Variants in UBR3 observed in about 807,000 individuals in gnomAD.
UBR3 encodes the protein E3 ubiquitin-protein ligase UBR3.
UBR3 carries 85 observed loss-of-function variants against 243.2 expected under a neutral mutation model. The ratio of observed to expected loss-of-function variants is 0.35; its 90% CI spans 0.29 to 0.42. UBR3 has a LOEUF of 0.42. Ranked by LOEUF, UBR3 falls within the 10% of genes least tolerant of loss-of-function variation. UBR3 has a pLI of 1.00. For synonymous variants in UBR3, 748 were observed against 799.8 expected (o/e 0.94, Z 1.09); for missense variants, 1,686 against 2,300.8 (o/e 0.73, Z 5.47).
chr2:170,076,758 T>C (rs1040713903), intron 36 of UBR3, among the ~76,000 whole-genome samples: 1 of 152,214 alleles, frequency 6.6e-6, no homozygotes, highest in African/African-American at 2.4e-5. Context: ...GATACCAAAC[T>C]TTATTCTGAA....
chr2:169,986,634 T>C lies in UBR3; in HGVS notation c.3635-11T>C. On this transcript the variant is annotated splice_polypyrimidine_tract_variant and intron_variant, in intron 24 of 38. Coordinates refer to ENST00000272793, the MANE Select transcript of UBR3 (RefSeq NM_172070.4). Reference sequence around the variant, plus strand: ...CTAAGGAATTAAAGAGATGTAACTTTTTTCCCTCAGATTCTCCTGAGAATG... The same window carrying C: ...CTAAGGAATTAAAGAGATGTAACTTCTTTCCCTCAGATTCTCCTGAGAATG... 2 of 1,600,508 alleles carry C rather than the reference T, an allele frequency of 1.2e-6. No individual in the cohort carries two copies. Among genetic ancestry groups the C allele is most frequent in the South Asian group, 1.1e-5 (1 of 87,806 alleles).
chr2:170,076,610 T>C (rs1204564025), intron 36 of UBR3, among the ~76,000 whole-genome samples: 4 of 152,216 alleles, frequency 2.6e-5, no homozygotes, highest in East Asian at 1.9e-4. Flanking sequence ...TGCAAAGATA[T>C]ATGATACAGT....
At chr2:169,830,224 T>C (rs2105274024) in intron 1 of UBR3, among the ~76,000 whole-genome samples, 1 of 152,292 alleles carries the variant, frequency 6.6e-6, no homozygotes, top group East Asian at 1.9e-4. Flanking sequence ...AAACGTGGTG[T>C]ATCTGTCTTT....
intron 38 of UBR3, 59 bp downstream of exon 38, chr2:170,080,743 T>C (rs1447018577): frequency 3.3e-6 from 5 of 1,537,154 alleles, no homozygotes; most frequent in Non-Finnish European, 4.4e-6. Context: ...TGAAAACCAA[T>C]ATGCTATTCC....
chr2:170,080,336 G>A (rs79762944), intron 37 of UBR3: 13,015 of 613,578 alleles, frequency 0.021, 214 homozygotes, highest in Middle Eastern at 0.032. Context: ...AATTAGGTTG[G>A]CTCTTAATTG....
rs147631213 is a variant in UBR3, at chr2:169,991,707, C to A, written c.3785-2616C>A. 3.8e-3 allele frequency among the ~76,000 whole-genome samples: 580 copies of A among 152,192 alleles called. 4 individuals are homozygous for A. Among genetic ancestry groups the A allele is most frequent in the African/African-American group, 0.013 (543 of 41,504 alleles). On this transcript the variant is annotated intron_variant, in intron 25 of 38. Transcript: ENST00000272793. ...ACACCATTCTCCTGCCTCAGCTTCC[C>A]AAGTAGCTGGGACCACAGGCGCCCG... is the stretch of plus-strand genomic sequence containing the variant.
chr2:169,844,007 CTT>C (rs11421686), intron 1 of UBR3, among the ~76,000 whole-genome samples: 7 of 134,068 alleles, frequency 5.2e-5, no homozygotes, highest in Non-Finnish European at 7.9e-5. Flanking sequence ...TTTCTCTTTA[CTT>C]TTTTTTTTTT....
At chr2:169,867,984 AAGC>A (rs2083313933) in intron 1 of UBR3, among the ~76,000 whole-genome samples, 1 of 152,220 alleles carries the variant, frequency 6.6e-6, no homozygotes, top group Admixed American at 6.5e-5. Context: ...ACATATATAA[AAGC>A]AGTCAGCACA....
At chr2:169,897,579 A>G (rs1282921557) in intron 8 of UBR3, among the ~76,000 whole-genome samples, 1 of 151,942 alleles carries the variant, frequency 6.6e-6, no homozygotes, top group African/African-American at 2.4e-5. Context: ...GCTTACTGCA[A>G]CCTCCGCCTC....
intron 18 of UBR3, among the ~76,000 whole-genome samples, chr2:169,931,793 A>G (rs1292683257): frequency 6.6e-6 from 1 of 152,196 alleles, no homozygotes; most frequent in Non-Finnish European, 1.5e-5. Flanking sequence ...AAGCGTGATT[A>G]TTAGTGAGGT....
chr2:169,941,260 C>G (rs1304123347), intron 19 of UBR3, among the ~76,000 whole-genome samples: 1 of 152,122 alleles, frequency 6.6e-6, no homozygotes, highest in Non-Finnish European at 1.5e-5. Flanking sequence ...GTTCCAAGAC[C>G]CACAGTGGAT....
intron 18 of UBR3, among the ~76,000 whole-genome samples, chr2:169,929,522 G>T (rs2086040369): frequency 6.6e-6 from 1 of 152,002 alleles, no homozygotes; most frequent in Non-Finnish European, 1.5e-5. Context: ...GTTATAGTGA[G>T]ACCCTATCGT....
At chr2:169,901,769 CA>C (rs1215215037) in intron 8 of UBR3, among the ~76,000 whole-genome samples, 2 of 152,082 alleles carry the variant, frequency 1.3e-5, no homozygotes, top group Non-Finnish European at 2.9e-5. Context: ...AATTTTATAC[CA>C]TATGCTTTGT....
chr2:169,828,070 C>G lies in UBR3; in HGVS notation c.545+18C>G. On this transcript the variant is annotated intron_variant, in intron 1 of 38. Coordinates refer to ENST00000272793, the MANE Select transcript of UBR3 (RefSeq NM_172070.4). Reference sequence around the variant, plus strand: ...GAGAGCGGGTGAGTGGAGCCCTCCCCGCGGGCGAGGCGACCCTGGGCCGGG... The same window carrying G: ...GAGAGCGGGTGAGTGGAGCCCTCCCGGCGGGCGAGGCGACCCTGGGCCGGG... The G allele has an allele frequency of 7.4e-7, 1 of 1,353,670 alleles. No individual in the cohort carries two copies. The highest frequency in any genetic ancestry group is 9.5e-7 in the Non-Finnish European group (1 of 1,050,238). 83.9% of individuals were successfully genotyped at this position (1,353,670 alleles called of 1,614,324 possible). A position where few individuals can be genotyped will look rare whatever the true frequency, so the allele number is the denominator to read the frequency against.
chr2:169,914,799 G>T (rs752099631), intron 11 of UBR3, among the ~76,000 whole-genome samples: 1 of 151,936 alleles, frequency 6.6e-6, no homozygotes, highest in Non-Finnish European at 1.5e-5. Context: ...ACACAGAACC[G>T]TTGCTGTGTG....
In UBR3 at chr2:169,986,719, G is replaced by C. The variant is rs1222566438; in HGVS notation, c.3709G>C (p.Val1237Leu). The C allele has an allele frequency of 6.2e-7, 1 of 1,614,070 alleles. No homozygotes were observed. Among genetic ancestry groups the C allele is most frequent in the African/African-American group, 1.3e-5 (1 of 75,026 alleles). Residue 1237 changes from valine to leucine, a missense_variant, in exon 25 of 39, where the codon GTT becomes CTT. Coordinates refer to ENST00000272793, the MANE Select transcript of UBR3 (RefSeq NM_172070.4). Reference protein sequence around the residue: ...PQVSEAVYDCVICGQSGPSSE... With the variant: ...PQVSEAVYDCLICGQSGPSSE... ...GGTTTCCGAGGCAGTATATGACTGT[G>C]TTATTTGTGGACAGAGTGGCCCCTC...
chr2:169,945,123 GT>G (rs1053344012), intron 20 of UBR3, among the ~76,000 whole-genome samples: 8 of 151,462 alleles, frequency 5.3e-5, no homozygotes, highest in African/African-American at 1.9e-4. Flanking sequence ...TATAATTTCA[GT>G]TTTATTTTTC....
rs1363393735 is a variant in UBR3, at chr2:169,849,406, C to A, written c.545+21354C>A. Reference sequence around the variant, plus strand: ...ACTTGGTGACCATTGTTTGTGTCCACATTCAGTTGAGTTCAAATTTAATAT... The same window carrying A: ...ACTTGGTGACCATTGTTTGTGTCCAAATTCAGTTGAGTTCAAATTTAATAT... On this transcript the variant is annotated intron_variant, in intron 1 of 38. Coordinates refer to ENST00000272793, the MANE Select transcript of UBR3 (RefSeq NM_172070.4). Among the ~76,000 whole-genome samples, 3 of 152,216 alleles carry A rather than the reference C, an allele frequency of 2.0e-5. No individual in the cohort carries two copies. The South Asian group carries it at 6.2e-4, about 31-fold the overall frequency.
chr2:169,979,764 A>G (rs538500299), intron 24 of UBR3, among the ~76,000 whole-genome samples: 1 of 152,212 alleles, frequency 6.6e-6, no homozygotes, highest in African/African-American at 2.4e-5. Context: ...TAAATGAAAC[A>G]TGGGAGTTTT....
Sources: allele counts gnomAD v4.1 joint callset (sites outside exome capture counted in the v4.1 genomes callset), GRCh38; gene constraint gnomAD v4.1.1; transcripts MANE v1.5; gene names NCBI Gene and HGNC (gene_info 2026-07-23, HGNC 2026-07-21).